Variants in SNX13 observed in about 807,000 individuals in gnomAD.
SNX13 encodes the protein sorting nexin-13.
In SNX13, 45 loss-of-function variants were observed where a neutral mutation model predicts 133.6. The observed-to-expected ratio is 0.34, with a 90% CI of 0.27 to 0.43. The LOEUF (loss-of-function observed/expected upper bound fraction) is 0.43, where lower values mean the gene tolerates loss of function less well. Among genes scored for constraint, SNX13 ranks in the 20% least tolerant of loss-of-function variants. The pLI is 1.00. For synonymous variants in SNX13, 414 were observed against 373.9 expected (o/e 1.11, Z -1.24); for missense variants, 1,032 against 1,145.1 (o/e 0.90, Z 1.43).
At chr7:17,833,228 C>T (rs901812728) in intron 15 of SNX13, among the ~76,000 whole-genome samples, 5 of 151,584 alleles carry the variant, frequency 3.3e-5, no homozygotes, top group East Asian at 1.9e-4. Flanking sequence ...AATTTGGAAG[C>T]TTGTGTTCTA....
rs1583352742 is a variant in SNX13 at position 17,818,771 on chromosome 7, A to G, written c.1846-2482T>C. ...TCAAAGATCTTACTTTTCTACATTA[A>G]AAACACAAGTTTAGATTCCTAATAC... On this transcript the variant is annotated intron_variant, in intron 18 of 25. Coordinates refer to ENST00000428135, the MANE Select transcript of SNX13 (RefSeq NM_015132.5). Among the ~76,000 whole-genome samples, 3 of 152,326 alleles carry G rather than the reference A, an allele frequency of 2.0e-5. No homozygotes were observed. In the East Asian group the frequency reaches 5.8e-4, roughly 29 times the overall value.
intron 9 of SNX13, chr7:17,868,158 AT>A (rs914283776): frequency 1.5e-4 from 58 of 381,598 alleles, no homozygotes; most frequent in Non-Finnish European, 2.3e-4. Context: ...AAAATATTCT[AT>A]TTTTTTAAAG....
intron 16 of SNX13, among the ~76,000 whole-genome samples, chr7:17,827,865 A>G (rs1788080097): frequency 1.3e-5 from 2 of 151,912 alleles, no homozygotes; most frequent in South Asian, 2.1e-4. Flanking sequence ...TGTGAAAGAT[A>G]GAAGACTCAG....
At position 17,891,573 on chromosome 7, in the gene SNX13, G is replaced by T. The variant is rs1266638394; in HGVS notation, c.291C>A (p.Ala97=). 4 of 1,612,260 alleles carry T rather than the reference G, an allele frequency of 2.5e-6. No homozygotes were observed. The highest frequency in any genetic ancestry group is 3.4e-6 in the Non-Finnish European group (4 of 1,178,862). Reference sequence around the variant, plus strand: ...GCTGGAGAGGTTCATCAATTATATTGGCACCCGTCAATCTTCTATCAATCT... The same window carrying T: ...GCTGGAGAGGTTCATCAATTATATTTGCACCCGTCAATCTTCTATCAATCT... ...TIKIDRRLTG[A]NIIDEPLQQV... Residue 97 remains alanine (A), a synonymous_variant, in exon 4 of 26, where the codon GCC becomes GCA. Transcript: ENST00000428135.
intron 11 of SNX13, among the ~76,000 whole-genome samples, chr7:17,847,357 G>A (rs1377434729): frequency 1.3e-5 from 2 of 152,102 alleles, no homozygotes; most frequent in African/African-American, 2.4e-5. Flanking sequence ...TTGAGACGGA[G>A]TGTCGCTCTT....
chr7:17,821,473 C>A, intron 18 of SNX13, 36 bp downstream of exon 18: 1 of 1,531,206 alleles, frequency 6.5e-7, no homozygotes, highest in South Asian at 1.2e-5. Context: ...AATCAAGAAA[C>A]AACATAAAGT....
At chr7:17,799,755 T>A (rs1477460402) in intron 22 of SNX13, among the ~76,000 whole-genome samples, 1 of 151,600 alleles carries the variant, frequency 6.6e-6, no homozygotes, top group East Asian at 1.9e-4. Flanking sequence ...ATTATGGGAG[T>A]ATACAACCAC....
intron 11 of SNX13, among the ~76,000 whole-genome samples, chr7:17,846,245 G>GAAA (rs770235067): frequency 7.1e-6 from 1 of 140,960 alleles, no homozygotes; most frequent in Admixed American, 7.1e-5. Flanking sequence ...ACCTACATAT[G>GAAA]AAAAAAAAAA....
chr7:17,934,085 T>C (rs117178278), intron 1 of SNX13, among the ~76,000 whole-genome samples: 5,111 of 152,328 alleles, frequency 0.034, 121 homozygotes, highest in Non-Finnish European at 0.055. Context: ...AGACACAGTA[T>C]TTATCACTAT....
chr7:17,840,538 C>T (rs1411604584), intron 12 of SNX13, among the ~76,000 whole-genome samples: 1 of 152,090 alleles, frequency 6.6e-6, no homozygotes, highest in African/African-American at 2.4e-5. Context: ...AGGTTATATA[C>T]ATTGTATGTT....
At chr7:17,925,076 GC>G (rs1800589469) in intron 1 of SNX13, among the ~76,000 whole-genome samples, 1 of 152,070 alleles carries the variant, frequency 6.6e-6, no homozygotes, top group African/African-American at 2.4e-5. Flanking sequence ...GGGCATGGTG[GC>G]ACGTGCCTGG....
At chr7:17,836,433 C>G (rs994957921) in intron 13 of SNX13, among the ~76,000 whole-genome samples, 3 of 152,028 alleles carry the variant, frequency 2.0e-5, no homozygotes, top group African/African-American at 7.2e-5. Flanking sequence ...AAGAGAATTG[C>G]CTGAACCTGG....
At chr7:17,910,084 A>T (rs933514863) in intron 1 of SNX13, among the ~76,000 whole-genome samples, 1 of 152,166 alleles carries the variant, frequency 6.6e-6, no homozygotes, top group Non-Finnish European at 1.5e-5. Context: ...CCTGTACTTA[A>T]GTCAATTAAA....
chr7:17,921,350 G>A (rs1281597119), intron 1 of SNX13, among the ~76,000 whole-genome samples: 2 of 152,104 alleles, frequency 1.3e-5, no homozygotes, highest in Non-Finnish European at 2.9e-5. Flanking sequence ...TCTGACCACT[G>A]TACTGTTCTT....
intron 1 of SNX13, among the ~76,000 whole-genome samples, chr7:17,898,615 G>A (rs901788338): frequency 6.6e-6 from 1 of 152,104 alleles, no homozygotes; most frequent in African/African-American, 2.4e-5. Context: ...TTACATTCCA[G>A]AAGTGGGGAA....
Position 17,850,349 on chromosome 7 carries a change from T to C in SNX13, c.1063A>G (p.Lys355Glu). The C allele has an allele frequency of 6.3e-7, 1 of 1,587,908 alleles. No homozygotes were observed. Among genetic ancestry groups the C allele is most frequent in the Non-Finnish European group, 8.6e-7 (1 of 1,167,220 alleles). Residue 355 changes from lysine to glutamate, a missense_variant and splice_region_variant, in exon 11 of 26, where the codon AAA becomes GAA. Physicochemically the swap from Lys to Glu is moderately conservative, Grantham distance 56. Transcript: ENST00000428135. Reference protein sequence around the residue: ...DSRIQRLQSGKEINTVKLAAN... With the variant: ...DSRIQRLQSGEEINTVKLAAN... ...TAATTCAAAACTACTTTACTTACTT[T>C]GCCTGACTGCAATCGCTGTATTCTT...
At chr7:17,859,962 T>G (rs909232000) in intron 9 of SNX13, among the ~76,000 whole-genome samples, 2 of 152,186 alleles carry the variant, frequency 1.3e-5, no homozygotes, top group East Asian at 3.8e-4. Context: ...CAATCATGAT[T>G]ACACAAATTT....
At chr7:17,836,583 G>C (rs1789167181) in intron 13 of SNX13, among the ~76,000 whole-genome samples, 1 of 151,948 alleles carries the variant, frequency 6.6e-6, no homozygotes. Flanking sequence ...AAAAGTGAAT[G>C]TTTTCCCAAA....
At chr7:17,799,995 C>T (rs1314652776) in intron 22 of SNX13, among the ~76,000 whole-genome samples, 1 of 151,688 alleles carries the variant, frequency 6.6e-6, no homozygotes, top group Admixed American at 6.6e-5. Context: ...ACGTTACAAA[C>T]ATTTCCTTAG....
Sources: gnomAD v4.1 joint callset for allele counts (sites outside exome capture counted in the v4.1 genomes callset) on GRCh38, gnomAD v4.1.1 for gene constraint, MANE v1.5 for transcripts, NCBI Gene and HGNC (gene_info 2026-07-23, HGNC 2026-07-21) for gene names.